CLNK: variants seen among roughly 807,000 people sequenced by gnomAD.
The protein encoded by CLNK is cytokine-dependent hematopoietic cell linker.
Under a neutral mutation model 68.6 loss-of-function variants are expected in CLNK, and 74 were observed. The observed-to-expected ratio is 1.08, with a 90% CI of 0.89 to 1.31. The LOEUF is 1.31. Among genes scored for constraint, CLNK ranks in the 50% most tolerant of loss-of-function variants. The pLI is 0.00. For synonymous variants in CLNK, 198 were observed against 172.2 expected (o/e 1.15, Z -1.17); for missense variants, 553 against 515.3 (o/e 1.07, Z -0.71).
intron 17 of CLNK, among the ~76,000 whole-genome samples, chr4:10,501,874 C>T (rs944791496): frequency 2.0e-5 from 3 of 152,208 alleles, no homozygotes; most frequent in Non-Finnish European, 4.4e-5. Context: ...TTGCAGTGAG[C>T]CAAGATCGTG....
chr4:10,589,345 A>G (rs904918813), intron 3 of CLNK, among the ~76,000 whole-genome samples: 5 of 152,190 alleles, frequency 3.3e-5, no homozygotes, highest in Non-Finnish European at 7.3e-5. Context: ...CGTAGACCGC[A>G]GAGTTCTCTT....
At chr4:10,577,038 G>C (rs1720593940) in intron 4 of CLNK, among the ~76,000 whole-genome samples, 1 of 152,208 alleles carries the variant, frequency 6.6e-6, no homozygotes, top group Non-Finnish European at 1.5e-5. Flanking sequence ...ATCCTGAACT[G>C]GAAGAATTCC....
At chr4:10,608,065 C>A (rs560187165) in intron 2 of CLNK, among the ~76,000 whole-genome samples, 6 of 152,260 alleles carry the variant, frequency 3.9e-5, no homozygotes, top group African/African-American at 1.4e-4. Context: ...GAGAGATGTG[C>A]ATATGTAACA....
At chr4:10,618,960 T>A (rs530448768) in intron 2 of CLNK, among the ~76,000 whole-genome samples, 1 of 152,290 alleles carries the variant, frequency 6.6e-6, no homozygotes, top group African/African-American at 2.4e-5. Context: ...CCAAACCATA[T>A]TGTATGCCTA....
chr4:10,728,948 T>C, the CLNK span, among the ~76,000 whole-genome samples: 1 of 152,188 alleles, frequency 6.6e-6, no homozygotes, highest in African/African-American at 2.4e-5. Flanking sequence ...TTGACTTGTA[T>C]GTTTAAACGT....
intron 2 of CLNK, among the ~76,000 whole-genome samples, chr4:10,634,857 A>G (rs539157425): frequency 1.3e-5 from 2 of 152,246 alleles, no homozygotes; most frequent in African/African-American, 4.8e-5. Flanking sequence ...TAAAATGAGC[A>G]GTTGGACTGG....
At chr4:10,667,183 C>G (rs1724432293) in intron 2 of CLNK, among the ~76,000 whole-genome samples, 1 of 152,122 alleles carries the variant, frequency 6.6e-6, no homozygotes, top group Admixed American at 6.6e-5. Context: ...CTCTGAAACT[C>G]CTGCTCTTTC....
rs1175013311 is a variant in CLNK, at chr4:10,490,316, G to T, written c.*151C>A. 4.8e-6 allele frequency: 3 copies of T among 619,374 alleles called. No homozygotes were observed. The highest frequency in any genetic ancestry group is 7.4e-6 in the Non-Finnish European group (3 of 404,946). 38.4% of individuals were successfully genotyped at this position (619,374 alleles called of 1,614,324 possible). A position where few individuals can be genotyped will look rare whatever the true frequency, so the allele number is the denominator to read the frequency against. ...CTGTGGTTTGAACTTTCAAAACCGT[G>T]AGTGATTTTCCACTCTCTGTTATAG... is the stretch of plus-strand genomic sequence containing the variant. On this transcript the variant is annotated 3_prime_UTR_variant, in exon 19 of 19. Transcript: ENST00000226951.
the CLNK span, among the ~76,000 whole-genome samples, chr4:10,703,338 A>G: frequency 1.3e-5 from 2 of 152,218 alleles, no homozygotes; most frequent in South Asian, 2.1e-4. Flanking sequence ...AGTACATAAT[A>G]TGTGACCAAT....
At chr4:10,515,611 G>A (rs1247656897) in intron 15 of CLNK, among the ~76,000 whole-genome samples, 2 of 152,156 alleles carry the variant, frequency 1.3e-5, no homozygotes, top group Admixed American at 1.3e-4. Flanking sequence ...AAAACAAGCG[G>A]CAGTATCTGT....
At chr4:10,612,823 C>T (rs1722082855) in intron 2 of CLNK, among the ~76,000 whole-genome samples, 1 of 152,164 alleles carries the variant, frequency 6.6e-6, no homozygotes. Context: ...CTGTGTTCCC[C>T]AGGGACTGTT....
the CLNK span, among the ~76,000 whole-genome samples, chr4:10,716,556 G>A: frequency 1.3e-5 from 2 of 152,192 alleles, no homozygotes; most frequent in African/African-American, 2.4e-5. Flanking sequence ...TCTGTTTTAC[G>A]TGTCCCAAAC....
At chr4:10,543,851 C>G (rs1038282944) in intron 8 of CLNK, among the ~76,000 whole-genome samples, 1 of 152,196 alleles carries the variant, frequency 6.6e-6, no homozygotes, top group African/African-American at 2.4e-5. Context: ...ACAGAAATAA[C>G]TGATGTCCTT....
At chr4:10,547,146 T>C (rs1349778005) in intron 8 of CLNK, among the ~76,000 whole-genome samples, 6 of 152,076 alleles carry the variant, frequency 3.9e-5, no homozygotes, top group Non-Finnish European at 5.9e-5. Context: ...AACATGAGAT[T>C]TGGAAGGGAC....
chr4:10,725,635 C>T, the CLNK span, among the ~76,000 whole-genome samples: 2 of 152,136 alleles, frequency 1.3e-5, no homozygotes, highest in African/African-American at 2.4e-5. Context: ...GGGCGGATCA[C>T]AAGGTCAGGA....
chr4:10,682,216 T>G (rs1341660264), intron 1 of CLNK, among the ~76,000 whole-genome samples: 1 of 152,122 alleles, frequency 6.6e-6, no homozygotes, highest in Non-Finnish European at 1.5e-5. Flanking sequence ...AAATCGTGAA[T>G]GTTTGGTTTA....
chr4:10,627,672 C>G (rs1449384248), intron 2 of CLNK, among the ~76,000 whole-genome samples: 1 of 152,112 alleles, frequency 6.6e-6, no homozygotes, highest in Admixed American at 6.5e-5. Context: ...TCTGCTGCTG[C>G]AGGGTGATTG....
chr4:10,605,059 C>T (rs1415577602), intron 2 of CLNK, among the ~76,000 whole-genome samples: 1 of 152,194 alleles, frequency 6.6e-6, no homozygotes, highest in Non-Finnish European at 1.5e-5. Context: ...CTCAAGACTG[C>T]ACCATAAAAA....
chr4:10,568,835 G>A (rs1720225944), intron 5 of CLNK, among the ~76,000 whole-genome samples: 1 of 152,204 alleles, frequency 6.6e-6, no homozygotes, highest in African/African-American at 2.4e-5. Flanking sequence ...GCTGTGCCCA[G>A]ACTTCTGATT....
Sources: gnomAD v4.1 joint callset for allele counts (sites outside exome capture counted in the v4.1 genomes callset) on GRCh38, gnomAD v4.1.1 for gene constraint, MANE v1.5 for transcripts, NCBI Gene and HGNC (gene_info 2026-07-23, HGNC 2026-07-21) for gene names.